RBM6: variants seen among roughly 807,000 people sequenced by gnomAD.
RBM6 encodes RNA binding motif protein 6, also known as RNA-binding protein 6.
RBM6 carries 23 observed loss-of-function variants against 140.4 expected under a neutral mutation model. The observed-to-expected ratio is 0.16, with a 90% CI of 0.12 to 0.23. RBM6 has a LOEUF of 0.23. RBM6 is among the 10% of genes least tolerant of loss of function. RBM6 has a pLI of 1.00. For synonymous variants in RBM6, 439 were observed against 475.6 expected, an observed-to-expected ratio of 0.92 and a Z score of 1.00; for missense variants, 1,139 against 1,386.7, an observed-to-expected ratio of 0.82 and a Z score of 2.84.
At chr3:49,983,957 C>T (rs1291349311) in intron 5 of RBM6, among the ~76,000 whole-genome samples, 1 of 152,048 alleles carries the variant, frequency 6.6e-6, no homozygotes, top group Admixed American at 6.6e-5. Context: ...TTAATTTGGT[C>T]ATTTTTGGAA....
intron 16 of RBM6, 29 bp downstream of exon 16, chr3:50,065,155 A>G (rs1043426822): frequency 7.1e-6 from 11 of 1,538,544 alleles, no homozygotes; most frequent in South Asian, 1.1e-5. Flanking sequence ...CCCTGGACCT[A>G]GGGCTGGGGC....
chr3:49,942,057 T>C (rs2083306077), intron 1 of RBM6, among the ~76,000 whole-genome samples: 1 of 148,948 alleles, frequency 6.7e-6, no homozygotes, highest in African/African-American at 2.5e-5. Flanking sequence ...GGGGAGATAG[T>C]GCCACTGCAC....
intron 2 of RBM6, among the ~76,000 whole-genome samples, chr3:49,965,982 T>C (rs1184552469): frequency 1.3e-5 from 2 of 151,926 alleles, no homozygotes; most frequent in Non-Finnish European, 2.9e-5. Flanking sequence ...AAAAATTAGC[T>C]GGGCATGGTG....
At chr3:49,996,292 G>A (rs1416690403) in intron 5 of RBM6, among the ~76,000 whole-genome samples, 2 of 152,114 alleles carry the variant, frequency 1.3e-5, no homozygotes, top group Non-Finnish European at 2.9e-5. Context: ...TGGCAATGTT[G>A]GACTTACCTA....
Position 49,967,811 on chromosome 3 carries a change from A to C in RBM6, c.386A>C (p.Glu129Ala). ...CATTCTGGGGATTTTCGGGATAGAG[A>C]AGGACCACCTATGGACTATAGGGGT... ...DIHSGDFRDR[E>A]GPPMDYRGGD... is the part of the protein sequence containing the mutation. The change falls in exon 3 of 21, where the codon GAA becomes GCA. Residue 129 changes from glutamate (E) to alanine (A), a missense_variant. Around this residue, in one of 9 missense-constraint regions of RBM6, gnomAD observed 566 missense variants for 612.7 expected, o/e 0.92. Coordinates refer to ENST00000266022, the MANE Select transcript of RBM6 (RefSeq NM_005777.3). This position sits in a 1 kb window ranked among gnomAD's most constrained non-coding sequence, Gnocchi z 4.0. 1 of 1,614,048 alleles carries C rather than the reference A, an allele frequency of 6.2e-7. No homozygotes were observed. The highest frequency in any genetic ancestry group is 1.1e-5 in the South Asian group (1 of 91,074).
chr3:50,044,791 T>C (rs1327087253), intron 6 of RBM6, among the ~76,000 whole-genome samples: 1 of 152,194 alleles, frequency 6.6e-6, no homozygotes, highest in Non-Finnish European at 1.5e-5. Context: ...TGATAGCAGC[T>C]GGGGAATCAA....
In RBM6 at chr3:50,058,017, CA is replaced by C; in HGVS notation, c.1969+15del. 6.2e-7 allele frequency: 1 copy of C among 1,610,020 alleles called. No individual in the cohort carries two copies. The highest frequency in any genetic ancestry group is 8.5e-7 in the Non-Finnish European group (1 of 1,178,602). Reference sequence around the variant, plus strand: ...GAGAGAGCAAAAGTAAGTAGTTTGTCAGGGCACATACCAGACTGTGATCATC... The same window carrying C: ...GAGAGAGCAAAAGTAAGTAGTTTGTCGGGCACATACCAGACTGTGATCATC... On this transcript the variant is annotated intron_variant, in intron 9 of 20. Transcript: ENST00000266022.
chr3:50,066,234 C>A lies in RBM6; in HGVS notation c.2683-8C>A. 4 of 1,604,820 alleles carry A rather than the reference C, an allele frequency of 2.5e-6. No individual in the cohort carries two copies. The highest frequency in any genetic ancestry group is 3.4e-6 in the Non-Finnish European group (4 of 1,173,940). ...ATTTGGTATTGATCCCTGGCCTTCT[C>A]CTTCCAGCCTAAAGTGGTAAACCCA... On this transcript the variant is annotated splice_polypyrimidine_tract_variant and splice_region_variant and intron_variant, in intron 16 of 20. Transcript: ENST00000266022.
Position 49,968,100 on chromosome 3 carries a change from T to G in RBM6, c.675T>G (p.Phe225Leu), listed in dbSNP as rs768434505. Reference sequence around the variant, plus strand: ...ATAGAGATGTATCTGATTTGGACTTTAGAGACAAAGACGGAACACAAGTAG... The same window carrying G: ...ATAGAGATGTATCTGATTTGGACTTGAGAGACAAAGACGGAACACAAGTAG... ...FRNRDVSDLD[F>L]RDKDGTQVDF... Residue 225 changes from phenylalanine (F) to leucine (L), a missense_variant, in exon 3 of 21, where the codon TTT (phenylalanine) becomes TTG (leucine). Transcript: ENST00000266022. The G allele has an allele frequency of 5.0e-6, 8 of 1,614,054 alleles. No homozygotes were observed. In the African/African-American group the frequency reaches 9.3e-5, roughly 19 times the overall value.
chr3:50,007,496 A>C (rs1217706124), intron 6 of RBM6, among the ~76,000 whole-genome samples: 1 of 149,616 alleles, frequency 6.7e-6, no homozygotes, highest in Non-Finnish European at 1.5e-5. Flanking sequence ...CCTTAGTAGG[A>C]GTTTCTGCTG....
At chr3:50,001,855 A>G (rs1575656848) in intron 6 of RBM6, among the ~76,000 whole-genome samples, 1 of 152,310 alleles carries the variant, frequency 6.6e-6, no homozygotes, top group African/African-American at 2.4e-5. Context: ...CTGATAGCTG[A>G]GTGCTATAAA....
At chr3:49,972,033 A>G in intron 3 of RBM6, 26 bp from the exon 4 acceptor site, 1 of 1,529,796 alleles carries the variant, frequency 6.5e-7, no homozygotes, top group Non-Finnish European at 9.0e-7. Flanking sequence ...TATATTTGTG[A>G]AATAATTTTT....
In RBM6 at chr3:49,968,683, G is replaced by A. The variant is rs747610359; in HGVS notation, c.1258G>A (p.Gly420Ser). Residue 420 changes from glycine to serine, a missense_variant, in exon 3 of 21, where the codon GGC becomes AGC. Physicochemically the swap from Gly to Ser is moderately conservative, Grantham distance 56. Around this residue, in one of 9 missense-constraint regions of RBM6, gnomAD observed 566 missense variants for 612.7 expected, o/e 0.92. Coordinates refer to ENST00000266022, the MANE Select transcript of RBM6 (RefSeq NM_005777.3). ...DHRLPGSQMFGYGQSKSFPEG... is the reference protein window; with the variant it reads ...DHRLPGSQMFSYGQSKSFPEG... The stretch of plus-strand genomic sequence containing the variant: ...TAGGCTGCCAGGAAGCCAGATGTTT[G>A]GCTATGGCCAGAGCAAGTCTTTTCC... 5.0e-6 allele frequency: 8 copies of A among 1,613,268 alleles called. No homozygotes were observed. Among genetic ancestry groups the A allele is most frequent in the Non-Finnish European group, 6.8e-6 (8 of 1,179,630 alleles).
rs996292909 is a variant in RBM6 at position 50,075,097 on chromosome 3, A to T, written c.3117-104A>T. ...CCTGAACCCAGGAGGCAGAGGTTGC[A>T]GTAAGCTGAGTTCGAGCCATTGCAC... On this transcript the variant is annotated intron_variant, in intron 19 of 20. Coordinates refer to ENST00000266022, the MANE Select transcript of RBM6 (RefSeq NM_005777.3). 2.2e-6 allele frequency: 3 copies of T among 1,339,150 alleles called. No individual in the cohort carries two copies. In the African/African-American group the frequency reaches 4.4e-5, roughly 20 times the overall value. 83.0% of individuals were successfully genotyped at this position (1,339,150 alleles called of 1,614,324 possible).
intron 1 of RBM6, among the ~76,000 whole-genome samples, chr3:49,959,328 A>G (rs2084169907): frequency 6.8e-6 from 1 of 147,010 alleles, no homozygotes; most frequent in Non-Finnish European, 1.5e-5. Flanking sequence ...AGCTGGGACT[A>G]CAGGTGCCCG....
chr3:50,063,665 C>A (rs2090020953), intron 15 of RBM6, among the ~76,000 whole-genome samples: 1 of 151,548 alleles, frequency 6.6e-6, no homozygotes, highest in African/African-American at 2.4e-5. Flanking sequence ...CTTTGAGAGG[C>A]CAAGGCAGGC....
At chr3:50,012,390 C>T (rs978285059) in intron 6 of RBM6, among the ~76,000 whole-genome samples, 22 of 151,312 alleles carry the variant, frequency 1.5e-4, no homozygotes, top group Non-Finnish European at 2.7e-4. Flanking sequence ...TAGAGCCTCA[C>T]TCTGTCGCCC....
intron 6 of RBM6, among the ~76,000 whole-genome samples, chr3:50,006,020 G>T (rs567916530): frequency 6.6e-6 from 1 of 151,926 alleles, no homozygotes; most frequent in African/African-American, 2.4e-5. Context: ...TGAGTTTAAG[G>T]ATCGATGACT....
At chr3:50,060,865 CAG>C in intron 11 of RBM6, 89 bp from the exon 12 acceptor site, 1 of 1,353,526 alleles carries the variant, frequency 7.4e-7, no homozygotes, top group East Asian at 2.5e-5. Flanking sequence ...AAATGAGGAA[CAG>C]AGGATTTCTC....
Sources: gnomAD v4.1 joint callset for allele counts (sites outside exome capture counted in the v4.1 genomes callset) on GRCh38, gnomAD v4.1.1 for gene constraint, gnomAD v4.1.1 regional missense constraint, Gnocchi (gnomAD v3.1) non-coding constraint, MANE v1.5 for transcripts, NCBI Gene and HGNC (gene_info 2026-07-23, HGNC 2026-07-21) for gene names.